Variants in HECTD4 observed in about 807,000 individuals in gnomAD.
HECTD4 encodes the protein HECT domain E3 ubiquitin protein ligase 4.
A neutral mutation model predicts 471.5 loss-of-function variants in HECTD4; 114 were observed. The ratio of observed to expected loss-of-function variants is 0.24; its 90% CI spans 0.21 to 0.28. The LOEUF (loss-of-function observed/expected upper bound fraction) is 0.28. HECTD4 is among the 10% of genes least tolerant of loss of function. The pLI, the probability that HECTD4 is intolerant of heterozygous loss-of-function variation, is 1.00. For synonymous variants in HECTD4, 2,012 were observed against 2,256.0 expected, an observed-to-expected ratio of 0.89 and a Z score of 3.07; for missense variants, 3,866 against 5,651.5, an observed-to-expected ratio of 0.68 and a Z score of 10.13.
intron 1 of HECTD4, among the ~76,000 whole-genome samples, chr12:112,372,299 G>T (rs1460166941): frequency 1.3e-5 from 2 of 151,562 alleles, no homozygotes; most frequent in African/African-American, 4.9e-5. Context: ...TCGCTTTGTC[G>T]CCCAGTCTGG....
In HECTD4 at chr12:112,252,472, G is replaced by A. The variant is rs1566088025; in HGVS notation, c.3504C>T (p.Asn1168=). The A allele has an allele frequency of 6.2e-7, 1 of 1,613,000 alleles. No homozygotes were observed. The highest frequency in any genetic ancestry group is 8.5e-7 in the Non-Finnish European group (1 of 1,179,482). Residue 1168 remains asparagine (N), a synonymous_variant, in exon 23 of 76, where the codon AAC becomes AAT. Transcript: ENST00000682272. ...AGCCCCACATGGCTTTATCAGGAGT[G>A]TTGTGTTCACGGCCACTTCTCATTT... ...SFEMRSGREH[N]TPDKAMWGFA... is the part of the protein sequence containing the mutation.
At chr12:112,335,917 T>G (rs1486284331) in intron 1 of HECTD4, among the ~76,000 whole-genome samples, 1 of 152,112 alleles carries the variant, frequency 6.6e-6, no homozygotes, top group African/African-American at 2.4e-5. Flanking sequence ...ATTTAGGCAG[T>G]GAGCTTTAGC....
rs149374358 is a variant in HECTD4, at chr12:112,282,980, G to A, written c.1528+130C>T. 5.0e-4 allele frequency: 303 copies of A among 603,436 alleles called. 1 individual carries two copies. Among genetic ancestry groups the A allele is most frequent in the African/African-American group, 4.9e-3 (270 of 54,624 alleles). 37.4% of individuals were successfully genotyped at this position (603,436 alleles called of 1,614,324 possible). On this transcript the variant is annotated intron_variant, in intron 8 of 75. Coordinates refer to ENST00000682272, the MANE Select transcript of HECTD4 (RefSeq NM_001388303.1). ...GGCTTGGAATAAAAAGCTGGACAAT[G>A]ACTGGAAGACCAAATAAAGTCAACT...
intron 1 of HECTD4, among the ~76,000 whole-genome samples, chr12:112,379,300 A>T (rs1032159337): frequency 6.6e-6 from 1 of 152,246 alleles, no homozygotes; most frequent in Admixed American, 6.5e-5. Flanking sequence ...CACTTCCTTC[A>T]TCTGTACAAT....
Position 112,258,487 on chromosome 12 carries a change from A to C in HECTD4, c.3128+9T>G. ...AAAAGGGTTCCTGCAAGGAAGCAGC[A>C]TTCATTACCTCTCATCAGGGAACAG... is the stretch of plus-strand genomic sequence containing the variant. On this transcript the variant is annotated intron_variant, in intron 20 of 75. Coordinates refer to ENST00000682272, the MANE Select transcript of HECTD4 (RefSeq NM_001388303.1). 6.4e-7 allele frequency: 1 copy of C among 1,561,146 alleles called. No homozygotes were observed. Among genetic ancestry groups the C allele is most frequent in the Non-Finnish European group, 8.6e-7 (1 of 1,156,226 alleles).
In HECTD4 at chr12:112,200,813, G is replaced by A. The variant is rs1376103230; in HGVS notation, c.8407-15C>T. On this transcript the variant is annotated splice_polypyrimidine_tract_variant and intron_variant, in intron 54 of 75. Coordinates refer to ENST00000682272, the MANE Select transcript of HECTD4 (RefSeq NM_001388303.1). ...AGTTCATTCACCTACAATAGGAAAA[G>A]AAAATGTCTGTTTGTGCTGTTTGCT... is the stretch of plus-strand genomic sequence containing the variant. The A allele has an allele frequency of 6.2e-7, 1 of 1,606,900 alleles. No homozygotes were observed. Among genetic ancestry groups the A allele is most frequent in the Admixed American group, 1.7e-5 (1 of 59,482 alleles).
At position 112,163,743 on chromosome 12, in the gene HECTD4, C is replaced by G; in HGVS notation, c.12702-6G>C. ...AGATGTCCTTGTTCTCCCACCTGCC[C>G]GGGTGAGGAGCACAGGTGAGGGAGA... is the stretch of plus-strand genomic sequence containing the variant. On this transcript the variant is annotated splice_polypyrimidine_tract_variant and splice_region_variant and intron_variant, in intron 73 of 75. Transcript: ENST00000682272. The surrounding 1 kb of genome is among the most constrained non-coding windows in gnomAD (Gnocchi z 8.2). 16 of 1,459,308 alleles carry G rather than the reference C, an allele frequency of 1.1e-5. No homozygotes were observed. Among genetic ancestry groups the G allele is most frequent in the Non-Finnish European group, 1.5e-5 (16 of 1,101,360 alleles). The allele number at this position is 1,459,308 out of a possible 1,614,324, so 90.4% of individuals were successfully genotyped here. A position where few individuals can be genotyped will look rare whatever the true frequency, so the allele number is the denominator to read the frequency against.
At chr12:112,305,084 T>C (rs1034339149) in intron 7 of HECTD4, among the ~76,000 whole-genome samples, 2 of 152,216 alleles carry the variant, frequency 1.3e-5, no homozygotes, top group Admixed American at 1.3e-4. Flanking sequence ...CTCTGTCCAA[T>C]AGAACATTCT....
chr12:112,340,894 T>A (rs894655443), intron 1 of HECTD4, among the ~76,000 whole-genome samples: 1 of 152,158 alleles, frequency 6.6e-6, no homozygotes, highest in African/African-American at 2.4e-5. Context: ...GGGTGGGGAT[T>A]TACATTAATT....
rs1355758868 is a variant in HECTD4 at position 112,169,574 on chromosome 12, T to A, written c.12137A>T (p.Lys4046Met). 3 of 1,613,652 alleles carry A rather than the reference T, an allele frequency of 1.9e-6. No individual in the cohort carries two copies. Among genetic ancestry groups the A allele is most frequent in the South Asian group, 1.1e-5 (1 of 91,082 alleles). ...TGTGGGGTCACCGCCACTGGCCAGC[T>A]TGACGCAGAGCTGAGACGACGGCAC... is the stretch of plus-strand genomic sequence containing the variant. Reference protein sequence around the residue: ...ASVPSSQLCVKLASGGDPTYA... With the variant: ...ASVPSSQLCVMLASGGDPTYA... The change falls in exon 70 of 76, where the codon AAG becomes ATG. Residue 4046 changes from lysine (K) to methionine (M), a missense_variant. Physicochemically the swap from Lys to Met is moderately conservative, Grantham distance 95. Coordinates refer to ENST00000682272, the MANE Select transcript of HECTD4 (RefSeq NM_001388303.1).
intron 55 of HECTD4, among the ~76,000 whole-genome samples, chr12:112,199,993 T>C (rs544009967): frequency 6.6e-6 from 1 of 152,230 alleles, no homozygotes; most frequent in Non-Finnish European, 1.5e-5. Context: ...GATACGCTTA[T>C]CTGTCTAGAC....
chr12:112,224,838 A>G (rs962095206), intron 44 of HECTD4, among the ~76,000 whole-genome samples: 13 of 152,204 alleles, frequency 8.5e-5, no homozygotes, highest in Non-Finnish European at 1.5e-4. Context: ...TATTCTATAA[A>G]ATATATAAGA....
chr12:112,210,058 A>T lies in HECTD4; in HGVS notation c.7824T>A (p.His2608Gln). 6.2e-7 allele frequency: 1 copy of T among 1,614,018 alleles called. No individual in the cohort carries two copies. The highest frequency in any genetic ancestry group is 8.5e-7 in the Non-Finnish European group (1 of 1,179,868). ...CGGCAGCAATCCGGCATGGTGGCCC[A>T]TGAGTGCCTGGGTCTGATGCAATAC... is the stretch of plus-strand genomic sequence containing the variant. ...GTSIASDPGT[H>Q]GPPCRIAAVA... The change falls in exon 50 of 76, where the codon CAT becomes CAA. Residue 2608 changes from histidine to glutamine, a missense_variant. Coordinates refer to ENST00000682272, the MANE Select transcript of HECTD4 (RefSeq NM_001388303.1).
intron 10 of HECTD4, among the ~76,000 whole-genome samples, chr12:112,273,997 C>T (rs1593998633): frequency 3.3e-5 from 5 of 152,338 alleles, no homozygotes; most frequent in Non-Finnish European, 7.3e-5. Flanking sequence ...TTTTGCTTAA[C>T]TCCTGTGTGA....
Position 112,269,722 on chromosome 12 carries a change from T to C in HECTD4, c.2303A>G (p.Glu768Gly). Residue 768 changes from glutamate to glycine, a missense_variant, in exon 13 of 76, where the codon GAA (glutamate) becomes GGA (glycine). By Grantham distance (98) the Glu-to-Gly change is moderately conservative. This residue lies in a region of HECTD4 where 525 missense variants were observed against 672.6 expected (regional missense o/e 0.78). Transcript: ENST00000682272. ...KDQICPEIQK[E>G]VCLAISSGLN... ...TGTTTACCTGATGGCAAGGCAGACT[T>C]CCTTCTGAATTTCAGGGCAAATTTG... is the stretch of plus-strand genomic sequence containing the variant. The C allele has an allele frequency of 6.2e-7, 1 of 1,614,006 alleles. No homozygotes were observed. Among genetic ancestry groups the C allele is most frequent in the South Asian group, 1.1e-5 (1 of 91,054 alleles).
chr12:112,266,887 A>T, intron 14 of HECTD4, 25 bp downstream of exon 14: 1 of 1,209,566 alleles, frequency 8.3e-7, no homozygotes, highest in Middle Eastern at 1.9e-4. Flanking sequence ...CGGCTGTTCA[A>T]AGATAATTAA....
At chr12:112,170,252 C>G in intron 69 of HECTD4, 81 bp downstream of exon 69, 1 of 1,541,374 alleles carries the variant, frequency 6.5e-7, no homozygotes, top group Non-Finnish European at 8.8e-7. Context: ...CCCTGGACCC[C>G]CTTCTTTTAT....
chr12:112,287,176 A>C (rs1004327412), intron 7 of HECTD4, among the ~76,000 whole-genome samples: 4 of 151,770 alleles, frequency 2.6e-5, no homozygotes, highest in African/African-American at 9.7e-5. Flanking sequence ...CACCCCATGC[A>C]CTCCCTCTCA....
chr12:112,375,772 T>A (rs941169371), intron 1 of HECTD4, among the ~76,000 whole-genome samples: 3 of 152,150 alleles, frequency 2.0e-5, no homozygotes, highest in Admixed American at 6.6e-5. Flanking sequence ...TTCAACATTT[T>A]AAAAAAATTT....
Sources: allele counts gnomAD v4.1 joint callset (sites outside exome capture counted in the v4.1 genomes callset), GRCh38; gene constraint gnomAD v4.1.1; regional missense constraint gnomAD v4.1.1; non-coding constraint Gnocchi (gnomAD v3.1); transcripts MANE v1.5; gene names NCBI Gene and HGNC (gene_info 2026-07-23, HGNC 2026-07-21).